The following BRMS1L variants were observed in gnomAD, a reference collection of about 807,000 sequenced individuals.
BRMS1L encodes BRMS1 like transcriptional repressor.
A neutral mutation model predicts 50.3 loss-of-function variants in BRMS1L; 23 were observed. The ratio of observed to expected loss-of-function variants is 0.46; its 90% CI spans 0.33 to 0.65. BRMS1L has a LOEUF of 0.65. BRMS1L is among the 30% of genes least tolerant of loss of function. The pLI is 0.02. For missense variants in BRMS1L, 286 were observed against 386.1 expected, an observed-to-expected ratio of 0.74 and a Z score of 2.17; for synonymous variants, 114 against 126.9, an observed-to-expected ratio of 0.90 and a Z score of 0.69.
At chr14:35,846,897 T>C (rs1360131777) in intron 4 of BRMS1L, among the ~76,000 whole-genome samples, 2 of 152,186 alleles carry the variant, frequency 1.3e-5, no homozygotes, top group Non-Finnish European at 1.5e-5. Flanking sequence ...TTTGGTCTAC[T>C]TTATCTTTCC....
chr14:35,867,898 C>T lies in BRMS1L; in HGVS notation c.728-8C>T, dbSNP rs199893415. Reference sequence around the variant, plus strand: ...TTAATATAACAGTTTTTGAACTGATCCCTTTAGCACCTGTGAAACTGGAAA... The same window carrying T: ...TTAATATAACAGTTTTTGAACTGATTCCTTTAGCACCTGTGAAACTGGAAA... On this transcript the variant is annotated splice_polypyrimidine_tract_variant and splice_region_variant and intron_variant, in intron 8 of 9. Coordinates refer to ENST00000216807, the MANE Select transcript of BRMS1L (RefSeq NM_032352.4). The T allele has an allele frequency of 1.2e-5, 19 of 1,568,178 alleles. No homozygotes were observed. The African/African-American group carries it at 2.2e-4, about 18-fold the overall frequency.
chr14:35,852,990 G>GTATCTATCTATCTATC (rs72342569), intron 4 of BRMS1L, among the ~76,000 whole-genome samples: 2,031 of 148,822 alleles, frequency 0.014, 27 homozygotes, highest in African/African-American at 0.034. Flanking sequence ...CTTTATATCT[G>GTATCTATCTATCTATC]TATCTATCTA....
chr14:35,837,475 C>G (rs182926616), intron 4 of BRMS1L, among the ~76,000 whole-genome samples: 4 of 152,226 alleles, frequency 2.6e-5, no homozygotes, highest in Non-Finnish European at 5.9e-5. Context: ...GCACCAGTAT[C>G]ATAGTATCTT....
rs958244996 is a variant in BRMS1L, at chr14:35,826,788, C to G, written c.142+130C>G. Reference sequence around the variant, plus strand: ...CAGAGGGAAGGGGCGGAGACTGGCTCTGGGCCCTGGGCTGCACCCTGACCG... The same window carrying G: ...CAGAGGGAAGGGGCGGAGACTGGCTGTGGGCCCTGGGCTGCACCCTGACCG... On this transcript the variant is annotated intron_variant, in intron 1 of 9. Coordinates refer to ENST00000216807, the MANE Select transcript of BRMS1L (RefSeq NM_032352.4). 7 of 1,314,950 alleles carry G rather than the reference C, an allele frequency of 5.3e-6. No homozygotes were observed. The African/African-American group carries it at 5.9e-5, about 11-fold the overall frequency. 81.5% of individuals were successfully genotyped at this position (1,314,950 alleles called of 1,614,324 possible).
At chr14:35,831,920 TAA>T (rs36099782) in intron 2 of BRMS1L, among the ~76,000 whole-genome samples, 3 of 145,568 alleles carry the variant, frequency 2.1e-5, no homozygotes, top group Non-Finnish European at 3.0e-5. Context: ...GACACTGTCT[TAA>T]AAAAAAAAAA....
chr14:35,857,961 C>T (rs1300397892), intron 4 of BRMS1L, among the ~76,000 whole-genome samples: 1 of 146,564 alleles, frequency 6.8e-6, no homozygotes, highest in Admixed American at 6.8e-5. Flanking sequence ...TTTCATGAAG[C>T]CTGAGTATTC....
intron 4 of BRMS1L, among the ~76,000 whole-genome samples, chr14:35,861,573 A>G (rs962814687): frequency 2.6e-5 from 4 of 152,232 alleles, no homozygotes; most frequent in Non-Finnish European, 5.9e-5. Context: ...CATGTTTGAT[A>G]TGAAATCTAG....
rs1299449904 is a variant in BRMS1L, at chr14:35,871,844, CATA to C, written c.*1370_*1372del. The C allele has an allele frequency of 1.3e-5, 2 of 152,588 alleles. No homozygotes were observed. The highest frequency in any genetic ancestry group is 2.4e-5 in the African/African-American group (1 of 41,426). 9.5% of individuals were successfully genotyped at this position (152,588 alleles called of 1,614,324 possible). The stretch of plus-strand genomic sequence containing the variant: ...TTTCTAATTAACCTTAGCAAATGTA[CATA>C]ATGTCAAAACCCAATAGTATTTGAC... On this transcript the variant is annotated 3_prime_UTR_variant, in exon 10 of 10. Transcript: ENST00000216807.
chr14:35,865,044 A>G (rs1007601420), intron 7 of BRMS1L, 45 bp downstream of exon 7: 12 of 1,331,804 alleles, frequency 9.0e-6, no homozygotes, highest in Non-Finnish European at 9.3e-6. Flanking sequence ...TTTATAGTCT[A>G]CTTTTTAAGA....
intron 1 of BRMS1L, among the ~76,000 whole-genome samples, chr14:35,830,261 T>G (rs7157474): frequency 0.35 from 53,138 of 151,432 alleles, 12,984 homozygotes; most frequent in African/African-American, 0.68. Context: ...TAGAGATGGG[T>G]TTTCTCCATG....
At chr14:35,840,069 T>C (rs1299201625) in intron 4 of BRMS1L, among the ~76,000 whole-genome samples, 1 of 152,210 alleles carries the variant, frequency 6.6e-6, no homozygotes. Context: ...ATTGAGAGTT[T>C]TTAGCATGAA....
rs989541018 is a variant in BRMS1L, at chr14:35,868,043, C to T, written c.854+11C>T. The T allele has an allele frequency of 6.3e-7, 1 of 1,580,954 alleles. No individual in the cohort carries two copies. On this transcript the variant is annotated intron_variant, in intron 9 of 9. Coordinates refer to ENST00000216807, the MANE Select transcript of BRMS1L (RefSeq NM_032352.4). ...TGAATGTCCTACAAGGTAAAAAAGC[C>T]TTTGTTATTTCAGTGTTGCTCAGTA...
At chr14:35,832,261 T>C (rs1595659455) in intron 2 of BRMS1L, among the ~76,000 whole-genome samples, 2 of 141,948 alleles carry the variant, frequency 1.4e-5, no homozygotes, top group South Asian at 2.3e-4. Flanking sequence ...TCCCAGCATT[T>C]TGGGAGGCTG....
chr14:35,846,345 A>G (rs2142048358), intron 4 of BRMS1L, among the ~76,000 whole-genome samples: 1 of 151,896 alleles, frequency 6.6e-6, no homozygotes, highest in East Asian at 1.9e-4. Flanking sequence ...GCAGTGAGCC[A>G]TGATCGTGCC....
chr14:35,858,942 CA>C (rs1233276460), intron 4 of BRMS1L, among the ~76,000 whole-genome samples: 2 of 150,386 alleles, frequency 1.3e-5, no homozygotes, highest in Non-Finnish European at 3.0e-5. Context: ...ATATCTTACC[CA>C]TTTTTTTTTT....
chr14:35,852,529 A>G (rs2078224631), intron 4 of BRMS1L, among the ~76,000 whole-genome samples: 2 of 152,342 alleles, frequency 1.3e-5, no homozygotes, highest in South Asian at 2.1e-4. Flanking sequence ...CGTTTTCAAT[A>G]TACAAGTCTT....
chr14:35,826,705 G>T lies in BRMS1L; in HGVS notation c.142+47G>T, dbSNP rs755294795. ...CCCTGAGTCCCCGCGCCCAGCGCGC[G>T]ACAGGCCGCTCTCCGCACGCCAGGC... On this transcript the variant is annotated intron_variant, in intron 1 of 9. Transcript: ENST00000216807. The T allele has an allele frequency of 2.6e-5, 41 of 1,597,352 alleles. No individual in the cohort carries two copies. The Admixed American group carries it at 4.0e-4, about 16-fold the overall frequency.
At position 35,870,555 on chromosome 14, in the gene BRMS1L, C is replaced by A; in HGVS notation, c.*78C>A. 1.2e-6 allele frequency: 1 copy of A among 810,752 alleles called. No individual in the cohort carries two copies. Among genetic ancestry groups the A allele is most frequent in the Non-Finnish European group, 2.0e-6 (1 of 494,700 alleles). The allele number at this position is 810,752 out of a possible 1,614,324, so 50.2% of individuals were successfully genotyped here. A position where few individuals can be genotyped will look rare whatever the true frequency, so the allele number is the denominator to read the frequency against. On this transcript the variant is annotated 3_prime_UTR_variant, in exon 10 of 10. Transcript: ENST00000216807. The stretch of plus-strand genomic sequence containing the variant: ...TGCCATGAGAGTAAAAAAATGTATT[C>A]AATAACTTAATATTCTCACTGAATC...
intron 4 of BRMS1L, among the ~76,000 whole-genome samples, chr14:35,847,599 C>A (rs1293440831): frequency 6.6e-6 from 1 of 152,152 alleles, no homozygotes; most frequent in African/African-American, 2.4e-5. Context: ...GATTTGGAGG[C>A]CAAAGGTACT....
Sources: allele counts gnomAD v4.1 joint callset (sites outside exome capture counted in the v4.1 genomes callset), GRCh38; gene constraint gnomAD v4.1.1; transcripts MANE v1.5; gene names NCBI Gene and HGNC (gene_info 2026-07-23, HGNC 2026-07-21).